SUCLG2: variants seen among roughly 807,000 people sequenced by gnomAD.
SUCLG2 encodes the protein succinate-CoA ligase GDP-forming subunit beta, also known as succinate--CoA ligase [GDP-forming] subunit beta, mitochondrial.
In SUCLG2, 42 loss-of-function variants were observed where a neutral mutation model predicts 47.9. The ratio of observed to expected loss-of-function variants is 0.88; its 90% CI spans 0.69 to 1.14. The LOEUF (loss-of-function observed/expected upper bound fraction) is 1.14, where lower values mean the gene tolerates loss of function less well. Ranked by LOEUF, SUCLG2 falls within the 50% of genes most tolerant of loss-of-function variation. The pLI is 0.00. For missense variants in SUCLG2, 571 were observed against 525.9 expected (o/e 1.09, Z -0.84); for synonymous variants, 195 against 197.3 (o/e 0.99, Z 0.10).
chr3:67,453,506 A>C (rs1312371246), intron 9 of SUCLG2, among the ~76,000 whole-genome samples: 6 of 152,186 alleles, frequency 3.9e-5, no homozygotes, highest in African/African-American at 1.4e-4. Context: ...GCCCACCCTC[A>C]TGAGCTAATC....
At chr3:67,637,491 TCAATA>T (rs1256265891) in intron 1 of SUCLG2, among the ~76,000 whole-genome samples, 4 of 152,230 alleles carry the variant, frequency 2.6e-5, no homozygotes, top group Non-Finnish European at 5.9e-5. Flanking sequence ...GACATTTTAA[TCAATA>T]AAGTGTGAGG....
rs574548333 is a variant in SUCLG2 at position 67,641,721 on chromosome 3, A to C, written c.84+12782T>G. Among the ~76,000 whole-genome samples the C allele has an allele frequency of 1.1e-4, 16 of 152,282 alleles. No homozygotes were observed. In the South Asian group the frequency reaches 3.1e-3, roughly 30 times the overall value. On this transcript the variant is annotated intron_variant, in intron 1 of 10. Transcript: ENST00000307227. ...AGTACCACATACTGGGTATCCTAGG[A>C]CTGGCATACAAAGTACCACATACTG... is the stretch of plus-strand genomic sequence containing the variant.
intron 9 of SUCLG2, among the ~76,000 whole-genome samples, chr3:67,477,951 C>A (rs1279075478): frequency 6.6e-6 from 1 of 152,190 alleles, no homozygotes; most frequent in African/African-American, 2.4e-5. Flanking sequence ...GTTTTAACAG[C>A]TTTACAAATA....
intron 9 of SUCLG2, chr3:67,408,947 C>T: frequency 1.3e-6 from 2 of 1,533,546 alleles, no homozygotes; most frequent in Non-Finnish European, 1.7e-6. Context: ...GTTCCAGCTC[C>T]ATATTGGTCC....
chr3:67,571,170 C>G (rs1707596734), intron 2 of SUCLG2, among the ~76,000 whole-genome samples: 1 of 152,014 alleles, frequency 6.6e-6, no homozygotes, highest in Admixed American at 6.6e-5. Flanking sequence ...GGAAATTTTG[C>G]CCCCCACAGA....
Position 67,537,581 on chromosome 3 carries a change from G to A in SUCLG2, c.227-8395C>T, listed in dbSNP as rs140360016. Reference sequence around the variant, plus strand: ...ATGATTTATAATCCTTTGGGTATACGCCCAGTAATGGGATTGCTTGGTCAA... The same window carrying A: ...ATGATTTATAATCCTTTGGGTATACACCCAGTAATGGGATTGCTTGGTCAA... On this transcript the variant is annotated intron_variant, in intron 2 of 10. Coordinates refer to ENST00000307227, the MANE Select transcript of SUCLG2 (RefSeq NM_003848.4). Among the ~76,000 whole-genome samples the A allele has an allele frequency of 9.6e-3, 1,467 of 152,182 alleles. 30 individuals carry two copies. Among genetic ancestry groups the A allele is most frequent in the African/African-American group, 0.033 (1,372 of 41,524 alleles).
chr3:67,493,628 GCTCT>G (rs1220008602), intron 9 of SUCLG2, among the ~76,000 whole-genome samples: 4 of 152,078 alleles, frequency 2.6e-5, no homozygotes, highest in South Asian at 2.1e-4. Flanking sequence ...TCTCTCAGTG[GCTCT>G]CTATTATCCT....
At chr3:67,644,396 T>C (rs144260711) in intron 1 of SUCLG2, among the ~76,000 whole-genome samples, 234 of 152,256 alleles carry the variant, frequency 1.5e-3, no homozygotes, top group African/African-American at 5.4e-3. Context: ...ATAGCTATAG[T>C]ATGAATCTTT....
chr3:67,369,654 C>T (rs952968054), intron 10 of SUCLG2, among the ~76,000 whole-genome samples: 2 of 152,226 alleles, frequency 1.3e-5, no homozygotes, highest in Non-Finnish European at 2.9e-5. Context: ...GCTGTCTCCT[C>T]TGTGATTTTG....
chr3:67,637,662 A>C (rs1290217028), intron 1 of SUCLG2, among the ~76,000 whole-genome samples: 1 of 152,244 alleles, frequency 6.6e-6, no homozygotes, highest in Non-Finnish European at 1.5e-5. Context: ...TTCATGCTCC[A>C]GGGAACCAGT....
intron 9 of SUCLG2, among the ~76,000 whole-genome samples, chr3:67,473,548 C>T (rs538746178): frequency 6.6e-6 from 1 of 152,234 alleles, no homozygotes; most frequent in Admixed American, 6.5e-5. Flanking sequence ...GTACCAACCT[C>T]CCAGGCAATC....
intron 10 of SUCLG2, among the ~76,000 whole-genome samples, chr3:67,361,061 A>C (rs1401594507): frequency 1.3e-5 from 2 of 152,186 alleles, no homozygotes; most frequent in Non-Finnish European, 1.5e-5. Context: ...ACCATGCACA[A>C]AATTTTCTTA....
intron 9 of SUCLG2, among the ~76,000 whole-genome samples, chr3:67,435,748 A>G (rs770562694): frequency 1.3e-5 from 2 of 152,240 alleles, no homozygotes; most frequent in Non-Finnish European, 2.9e-5. Flanking sequence ...GCTTTAATCA[A>G]GTACAGACAA....
At chr3:67,534,768 C>CAAAAAAAAAAAAAAAAAAA (rs60612549) in intron 2 of SUCLG2, among the ~76,000 whole-genome samples, 3 of 34,932 alleles carry the variant, frequency 8.6e-5, no homozygotes, top group African/African-American at 2.7e-4. Context: ...ACACTGATGG[C>CAAAAAAAAAAAAAAAAAAA]AAAAAAAAAA....
At chr3:67,614,304 C>G (rs1291231970) in intron 1 of SUCLG2, among the ~76,000 whole-genome samples, 1 of 151,960 alleles carries the variant, frequency 6.6e-6, no homozygotes, top group Non-Finnish European at 1.5e-5. Context: ...GGGAAGACAC[C>G]AGGCTTTGTT....
At chr3:67,500,476 C>G (rs1364317595) in intron 7 of SUCLG2, among the ~76,000 whole-genome samples, 2 of 152,198 alleles carry the variant, frequency 1.3e-5, no homozygotes, top group Non-Finnish European at 2.9e-5. Context: ...AATGCCCAAC[C>G]ACTTTGTCCA....
At chr3:67,386,469 C>G (rs1487922661) in intron 10 of SUCLG2, among the ~76,000 whole-genome samples, 1 of 151,148 alleles carries the variant, frequency 6.6e-6, no homozygotes, top group Non-Finnish European at 1.5e-5. Flanking sequence ...TCTCACGCCG[C>G]TAATAAAGAC....
At chr3:67,625,082 T>C (rs762181825) in intron 1 of SUCLG2, among the ~76,000 whole-genome samples, 2 of 152,236 alleles carry the variant, frequency 1.3e-5, no homozygotes, top group African/African-American at 4.8e-5. Flanking sequence ...ACTCTTCTTT[T>C]AGGAACCCAT....
intron 10 of SUCLG2, among the ~76,000 whole-genome samples, chr3:67,394,800 C>T (rs943446962): frequency 3.3e-5 from 5 of 151,768 alleles, no homozygotes; most frequent in Non-Finnish European, 5.9e-5. Flanking sequence ...CAAAGGGAAG[C>T]CCATCAGACT....
Sources: allele counts gnomAD v4.1 joint callset (sites outside exome capture counted in the v4.1 genomes callset), GRCh38; gene constraint gnomAD v4.1.1; transcripts MANE v1.5; gene names NCBI Gene and HGNC (gene_info 2026-07-23, HGNC 2026-07-21).